The following MAD1L1 variants were observed in gnomAD, a reference collection of about 807,000 sequenced individuals.
MAD1L1 encodes mitotic arrest deficient 1 like 1.
Under a neutral mutation model 96.9 loss-of-function variants are expected in MAD1L1, and 95 were observed. The ratio of observed to expected loss-of-function variants is 0.98; its 90% confidence interval spans 0.83 to 1.16. MAD1L1 has a LOEUF of 1.16. Among genes scored for constraint, MAD1L1 ranks in the 50% most tolerant of loss-of-function variants. The probability of loss-of-function intolerance (pLI) is 0.00; values close to 1 mark genes in which losing one functional copy is unlikely to be tolerated. For synonymous variants in MAD1L1, 473 were observed against 396.6 expected (o/e 1.19, Z -2.29); for missense variants, 1,007 against 954.4 (o/e 1.06, Z -0.73).
In MAD1L1 at chr7:1,982,537, T is replaced by C. The variant is rs13233597; in HGVS notation, c.1417-1996A>G. On this transcript the variant is annotated intron_variant, in intron 14 of 18. Transcript: ENST00000265854. ...TCTTCTTCTTTCTAACTTATCTTTGTATACGTGATTTTAAATTTTTGTTTC... is the reference window on the plus strand; with the variant it reads ...TCTTCTTCTTTCTAACTTATCTTTGCATACGTGATTTTAAATTTTTGTTTC... Among the ~76,000 whole-genome samples the C allele has an allele frequency of 1.4e-4, 21 of 152,330 alleles. No individual in the cohort carries two copies. The South Asian group carries it at 3.5e-3, about 26-fold the overall frequency.
intron 17 of MAD1L1, among the ~76,000 whole-genome samples, chr7:1,923,478 C>T (rs1365643845): frequency 7.5e-6 from 1 of 133,436 alleles, no homozygotes; most frequent in Non-Finnish European, 1.7e-5. Context: ...CGCTCTTCCG[C>T]CCCGGCAGCC....
chr7:1,911,387 G>A (rs767302114), intron 17 of MAD1L1, among the ~76,000 whole-genome samples: 4 of 152,112 alleles, frequency 2.6e-5, no homozygotes, highest in Non-Finnish European at 5.9e-5. Flanking sequence ...TGCCCCCGGC[G>A]CAGTCACTTG....
chr7:2,192,735 G>A (rs143165265), intron 10 of MAD1L1, among the ~76,000 whole-genome samples: 79 of 152,264 alleles, frequency 5.2e-4, no homozygotes, highest in Admixed American at 1.4e-3. Context: ...CCAAGGAAAC[G>A]AGAGAAAAGG....
At chr7:2,228,530 G>A (rs1448350354) in intron 3 of MAD1L1, among the ~76,000 whole-genome samples, 6 of 152,078 alleles carry the variant, frequency 3.9e-5, no homozygotes, top group African/African-American at 9.7e-5. Flanking sequence ...TGGGGTTATA[G>A]GCATGAGCCA....
intron 11 of MAD1L1, among the ~76,000 whole-genome samples, chr7:2,091,655 A>T (rs1233186590): frequency 6.6e-6 from 1 of 152,104 alleles, no homozygotes; most frequent in East Asian, 1.9e-4. Context: ...GGGCGCCTGT[A>T]GTCCCAGCTA....
rs1489039645 is a variant in MAD1L1, at chr7:2,146,246, G to C, written c.1073+2906C>G. ...CGTCACAGCAGCACCGCCTGGAAGA[G>C]GGAGCACCGGGCACTGGGCTACGAG... On this transcript the variant is annotated intron_variant, in intron 11 of 18. Coordinates refer to ENST00000265854, the MANE Select transcript of MAD1L1 (RefSeq NM_001013836.2). This position sits in a 1 kb window ranked among gnomAD's most constrained non-coding sequence, Gnocchi z 6.2. Among the ~76,000 whole-genome samples, 1 of 150,182 alleles carries C rather than the reference G, an allele frequency of 6.7e-6. No homozygotes were observed. Among genetic ancestry groups the C allele is most frequent in the Admixed American group, 6.6e-5 (1 of 15,220 alleles).
At chr7:2,158,471 C>T (rs1485853949) in intron 10 of MAD1L1, among the ~76,000 whole-genome samples, 1 of 152,356 alleles carries the variant, frequency 6.6e-6, no homozygotes, top group East Asian at 1.9e-4. Flanking sequence ...CAGTCCAAAA[C>T]TGCTGAGGCT....
At chr7:2,212,449 C>A (rs1792997309) in intron 10 of MAD1L1, among the ~76,000 whole-genome samples, 1 of 152,184 alleles carries the variant, frequency 6.6e-6, no homozygotes, top group Admixed American at 6.5e-5. Flanking sequence ...GAAAGTGGGG[C>A]CCCGTGGGAA....
chr7:1,950,010 G>A (rs1029232401), intron 16 of MAD1L1, among the ~76,000 whole-genome samples: 1 of 152,238 alleles, frequency 6.6e-6, no homozygotes, highest in African/African-American at 2.4e-5. Context: ...ACAGGCTGGG[G>A]GAGATCGAGG....
At chr7:1,863,318 G>A (rs1322177375) in intron 18 of MAD1L1, among the ~76,000 whole-genome samples, 3 of 152,278 alleles carry the variant, frequency 2.0e-5, no homozygotes, top group African/African-American at 7.2e-5. Flanking sequence ...GCACTGGTGA[G>A]GGTCCGCAGA....
intron 17 of MAD1L1, among the ~76,000 whole-genome samples, chr7:1,902,471 C>T (rs368424281): frequency 6.6e-6 from 1 of 152,192 alleles, no homozygotes; most frequent in African/African-American, 2.4e-5. Flanking sequence ...AAGGAAAACG[C>T]GGTACTTTTC....
At chr7:2,150,489 C>A (rs1344404746) in intron 10 of MAD1L1, among the ~76,000 whole-genome samples, 1 of 152,176 alleles carries the variant, frequency 6.6e-6, no homozygotes, top group Non-Finnish European at 1.5e-5. Context: ...TCACACAGCC[C>A]CTCCCCCGGT....
At chr7:1,895,795 A>G (rs1786828214) in intron 18 of MAD1L1, among the ~76,000 whole-genome samples, 1 of 152,234 alleles carries the variant, frequency 6.6e-6, no homozygotes, top group Non-Finnish European at 1.5e-5. Flanking sequence ...TCCAGCCCTC[A>G]GGACCTGCAA....
intron 11 of MAD1L1, among the ~76,000 whole-genome samples, chr7:2,109,057 G>T (rs1158214449): frequency 6.6e-6 from 1 of 152,142 alleles, no homozygotes; most frequent in African/African-American, 2.4e-5. Flanking sequence ...CCCCGCACCC[G>T]CTCTGCAGCT....
intron 16 of MAD1L1, among the ~76,000 whole-genome samples, chr7:1,949,667 C>A (rs1779397095): frequency 6.6e-6 from 1 of 152,238 alleles, no homozygotes; most frequent in Non-Finnish European, 1.5e-5. Flanking sequence ...TTCCCTTCTC[C>A]TCTAAAAAGC....
In MAD1L1 at chr7:1,870,236, C is replaced by T. The variant is rs538017623; in HGVS notation, c.1998+27964G>A. On this transcript the variant is annotated intron_variant, in intron 18 of 18. Coordinates refer to ENST00000265854, the MANE Select transcript of MAD1L1 (RefSeq NM_001013836.2). ...CCAACATATGCCTGCCACGCTGAAC[C>T]GACCATAACACCTGCCACGCTGAAC... 4.6e-5 allele frequency among the ~76,000 whole-genome samples: 7 copies of T among 152,032 alleles called. No individual in the cohort carries two copies. In the East Asian group the frequency reaches 7.7e-4, roughly 17 times the overall value.
At chr7:1,868,632 C>T (rs1221899192) in intron 18 of MAD1L1, among the ~76,000 whole-genome samples, 1 of 152,234 alleles carries the variant, frequency 6.6e-6, no homozygotes, top group Non-Finnish European at 1.5e-5. Context: ...GATACCCTTG[C>T]GGCCTGCCTG....
chr7:2,004,952 T>A (rs1781965086), intron 13 of MAD1L1, among the ~76,000 whole-genome samples: 1 of 152,204 alleles, frequency 6.6e-6, no homozygotes, highest in African/African-American at 2.4e-5. Context: ...CCACAGTCGC[T>A]GGCGAAAGGT....
At chr7:1,827,479 G>GAGCCCGTCCCGGGTGTGGGGT (rs1782464951) in intron 18 of MAD1L1, among the ~76,000 whole-genome samples, 2 of 56,690 alleles carry the variant, frequency 3.5e-5, no homozygotes, top group East Asian at 5.2e-4. Flanking sequence ...GGGTGTGGGG[G>GAGCCCGTCCCGGGTGTGGGGT]CCTCCCCTCC....
Sources: allele counts gnomAD v4.1 joint callset (sites outside exome capture counted in the v4.1 genomes callset), GRCh38; gene constraint gnomAD v4.1.1; non-coding constraint Gnocchi (gnomAD v3.1); transcripts MANE v1.5; gene names NCBI Gene and HGNC (gene_info 2026-07-23, HGNC 2026-07-21).